Variants in HLCS observed in about 807,000 individuals in gnomAD.
HLCS encodes holocarboxylase synthetase.
A neutral mutation model predicts 75.0 loss-of-function variants in HLCS; 53 were observed. That is an observed-to-expected ratio of 0.71 (90% CI 0.57 to 0.89). The LOEUF (loss-of-function observed/expected upper bound fraction) is 0.89. Ranked by LOEUF, HLCS falls within the 40% of genes least tolerant of loss-of-function variation. The pLI, the probability that HLCS is intolerant of heterozygous loss-of-function variation, is 0.00. For synonymous variants in HLCS, 431 were observed against 428.6 expected (o/e 1.01, Z -0.07); for missense variants, 966 against 1,074.0 (o/e 0.90, Z 1.41).
At position 36,756,766 on chromosome 21, in the gene HLCS, A is replaced by T; in HGVS notation, c.2237-11T>A. ...CATTAAATCCACAGCCTGGACAAAA[A>T]CAAACAATTGAGCAGCTCAGCCTGT... On this transcript the variant is annotated splice_polypyrimidine_tract_variant and intron_variant, in intron 9 of 10. Transcript: ENST00000674895. 6.2e-7 allele frequency: 1 copy of T among 1,614,060 alleles called. No homozygotes were observed. The highest frequency in any genetic ancestry group is 2.2e-5 in the East Asian group (1 of 44,878).
At chr21:36,797,682 G>C (rs1403264655) in intron 6 of HLCS, among the ~76,000 whole-genome samples, 1 of 152,226 alleles carries the variant, frequency 6.6e-6, no homozygotes, top group Non-Finnish European at 1.5e-5. Flanking sequence ...CTGAGCCAGA[G>C]CCTGCTCAGC....
intron 6 of HLCS, among the ~76,000 whole-genome samples, chr21:36,853,195 C>T (rs2063072329): frequency 6.6e-6 from 1 of 152,194 alleles, no homozygotes; most frequent in Admixed American, 6.5e-5. Flanking sequence ...AAAAAATCCA[C>T]AGAGCCTCAC....
At chr21:36,856,075 G>A (rs2063182126) in intron 6 of HLCS, among the ~76,000 whole-genome samples, 1 of 152,142 alleles carries the variant, frequency 6.6e-6, no homozygotes, top group African/African-American at 2.4e-5. Flanking sequence ...GGGGGGCAGG[G>A]GGAAGGGGAG....
intron 2 of HLCS, among the ~76,000 whole-genome samples, chr21:36,949,351 G>C (rs1050402199): frequency 3.9e-5 from 6 of 152,256 alleles, no homozygotes; most frequent in African/African-American, 1.4e-4. Flanking sequence ...CTGCCTGTCA[G>C]CTGGGAGCTC....
chr21:36,930,448 T>C lies in HLCS; in HGVS notation c.1438-15A>G, dbSNP rs200154412. ...TCTAAGTGCACCTGAAGGGGAAAGA[T>C]AGCACTATGTAAACTGAGGGCACTC... is the stretch of plus-strand genomic sequence containing the variant. On this transcript the variant is annotated splice_polypyrimidine_tract_variant and intron_variant, in intron 4 of 10. Transcript: ENST00000674895. 6.2e-7 allele frequency: 1 copy of C among 1,608,164 alleles called. No homozygotes were observed. Among genetic ancestry groups the C allele is most frequent in the Non-Finnish European group, 8.5e-7 (1 of 1,174,604 alleles).
chr21:36,832,456 A>G (rs915759992), intron 6 of HLCS, among the ~76,000 whole-genome samples: 5 of 152,240 alleles, frequency 3.3e-5, no homozygotes, highest in Admixed American at 6.5e-5. Context: ...GCAATGAAAC[A>G]GTAAAGTACA....
chr21:36,932,048 C>T (rs1601786020), intron 4 of HLCS, among the ~76,000 whole-genome samples: 1 of 152,308 alleles, frequency 6.6e-6, no homozygotes, highest in African/African-American at 2.4e-5. Context: ...GATGGGAGGG[C>T]ATCCTGGCCA....
chr21:36,978,795 G>T (rs1398830652), intron 1 of HLCS, among the ~76,000 whole-genome samples: 1 of 152,186 alleles, frequency 6.6e-6, no homozygotes, highest in East Asian at 1.9e-4. Flanking sequence ...TTCAACAGCG[G>T]ACTCAGCTGG....
intron 9 of HLCS, among the ~76,000 whole-genome samples, chr21:36,758,852 G>A (rs986442434): frequency 1.6e-4 from 25 of 151,972 alleles, no homozygotes; most frequent in Admixed American, 1.4e-3. Context: ...GTGTGGTGGC[G>A]GGCACCTGTT....
chr21:36,846,675 G>A (rs757527960), intron 6 of HLCS, among the ~76,000 whole-genome samples: 6 of 152,122 alleles, frequency 3.9e-5, no homozygotes, highest in South Asian at 4.1e-4. Flanking sequence ...TCAATATACC[G>A]CACAGAAATC....
rs2089291356 is a variant in HLCS, at chr21:36,749,298, C to T, written c.*4948G>A. 1 of 152,628 alleles carries T rather than the reference C, an allele frequency of 6.6e-6. No individual in the cohort carries two copies. The highest frequency in any genetic ancestry group is 2.4e-5 in the African/African-American group (1 of 41,464). The allele number at this position is 152,628 out of a possible 1,614,324, so 9.5% of individuals were successfully genotyped here. ...CCTTCAATTTTCTTCACACTATCAA[C>T]ACTGCAGCATTTTGCTGCTTTATCA... On this transcript the variant is annotated 3_prime_UTR_variant, in exon 11 of 11. Coordinates refer to ENST00000674895, the MANE Select transcript of HLCS (RefSeq NM_001352514.2).
intron 6 of HLCS, among the ~76,000 whole-genome samples, chr21:36,782,449 T>C (rs182075627): frequency 1.2e-4 from 19 of 152,246 alleles, no homozygotes; most frequent in Admixed American, 1.2e-3. Context: ...AATCTACATA[T>C]AAGAACCTTA....
chr21:36,976,136 A>G (rs2068931244), intron 1 of HLCS, among the ~76,000 whole-genome samples: 1 of 152,164 alleles, frequency 6.6e-6, no homozygotes, highest in African/African-American at 2.4e-5. Context: ...AAGATCCAAG[A>G]CGCAAGAGTG....
Position 36,890,018 on chromosome 21 carries a change from T to C in HLCS, c.1892+6842A>G, listed in dbSNP as rs2064707517. Among the ~76,000 whole-genome samples, 3 of 152,110 alleles carry C rather than the reference T, an allele frequency of 2.0e-5. No individual in the cohort carries two copies. The South Asian group carries it at 6.2e-4, about 32-fold the overall frequency. On this transcript the variant is annotated intron_variant, in intron 6 of 10. Coordinates refer to ENST00000674895, the MANE Select transcript of HLCS (RefSeq NM_001352514.2). ...GGTTGTTTCTCCCATGCTGTCCTTGTGATGGTGAGTTCTCATGAGATCTGA... is the reference window on the plus strand; with the variant it reads ...GGTTGTTTCTCCCATGCTGTCCTTGCGATGGTGAGTTCTCATGAGATCTGA...
chr21:36,850,112 A>T (rs1207913463), intron 6 of HLCS, among the ~76,000 whole-genome samples: 1 of 152,190 alleles, frequency 6.6e-6, no homozygotes, highest in Non-Finnish European at 1.5e-5. Flanking sequence ...TAACTTTTGG[A>T]TATTACTTTT....
intron 2 of HLCS, among the ~76,000 whole-genome samples, chr21:36,945,567 C>T (rs1435992900): frequency 6.6e-6 from 1 of 152,152 alleles, no homozygotes; most frequent in Non-Finnish European, 1.5e-5. Flanking sequence ...AACTAAAGGT[C>T]CCATATTCTA....
chr21:36,775,410 C>A (rs1471105440), intron 6 of HLCS, among the ~76,000 whole-genome samples: 1 of 152,238 alleles, frequency 6.6e-6, no homozygotes, highest in Non-Finnish European at 1.5e-5. Flanking sequence ...ATACTAGATG[C>A]CTGCGCATCC....
intron 6 of HLCS, among the ~76,000 whole-genome samples, chr21:36,820,237 G>A (rs1021645049): frequency 2.0e-5 from 3 of 152,196 alleles, no homozygotes; most frequent in East Asian, 3.8e-4. Context: ...CAGCTGCAGC[G>A]GAGGAGGCAT....
chr21:36,800,796 C>T (rs1290956101), intron 6 of HLCS, among the ~76,000 whole-genome samples: 1 of 152,174 alleles, frequency 6.6e-6, no homozygotes, highest in East Asian at 1.9e-4. Context: ...TACCTTAAAA[C>T]AGCCTAACTC....
Sources: allele counts gnomAD v4.1 joint callset (sites outside exome capture counted in the v4.1 genomes callset), GRCh38; gene constraint gnomAD v4.1.1; transcripts MANE v1.5; gene names NCBI Gene and HGNC (gene_info 2026-07-23, HGNC 2026-07-21).